The following USO1 variants were observed in gnomAD, a reference collection of about 807,000 sequenced individuals.
USO1 encodes the protein USO1 vesicle transport factor, also known as general vesicular transport factor p115.
A neutral mutation model predicts 124.5 loss-of-function variants in USO1; 57 were observed. The observed-to-expected ratio is 0.46, with a 90% confidence interval of 0.37 to 0.57. The LOEUF (loss-of-function observed/expected upper bound fraction) is 0.57. Among genes scored for constraint, USO1 ranks in the 20% least tolerant of loss-of-function variants. USO1 has a pLI of 0.00. For missense variants in USO1, 900 were observed against 1,040.6 expected, an observed-to-expected ratio of 0.86 and a Z score of 1.86; for synonymous variants, 369 against 362.8, an observed-to-expected ratio of 1.02 and a Z score of -0.19.
intron 1 of USO1, among the ~76,000 whole-genome samples, chr4:75,742,703 A>G (rs1178734791): frequency 6.6e-6 from 1 of 152,220 alleles, no homozygotes; most frequent in Non-Finnish European, 1.5e-5. Flanking sequence ...AGAGTGGATC[A>G]ATTTCTTCTG....
At chr4:75,754,443 A>C (rs1214545202) in intron 3 of USO1, among the ~76,000 whole-genome samples, 1 of 152,198 alleles carries the variant, frequency 6.6e-6, no homozygotes, top group African/African-American at 2.4e-5. Context: ...GTGCATGGAT[A>C]GCTTCCAGAT....
intron 1 of USO1, among the ~76,000 whole-genome samples, chr4:75,751,519 G>A (rs968048211): frequency 5.5e-5 from 8 of 145,472 alleles, no homozygotes; most frequent in South Asian, 4.5e-4. Flanking sequence ...GCCAAGATTC[G>A]TTTTAAAATT....
intron 3 of USO1, chr4:75,755,312 T>C (rs897603417): frequency 3.2e-5 from 13 of 408,388 alleles, no homozygotes; most frequent in Non-Finnish European, 6.3e-5. Context: ...GGACATAGTT[T>C]AAAACAATCG....
chr4:75,776,187 A>C (rs1722068869), intron 8 of USO1, among the ~76,000 whole-genome samples: 1 of 152,136 alleles, frequency 6.6e-6, no homozygotes. Flanking sequence ...GAGTAGAGGA[A>C]CTATGGTCTC....
chr4:75,731,407 C>A (rs923378397), intron 1 of USO1, among the ~76,000 whole-genome samples: 3 of 152,080 alleles, frequency 2.0e-5, no homozygotes, highest in South Asian at 4.2e-4. Flanking sequence ...GCTAAAAATA[C>A]AAAAATTAGC....
chr4:75,741,981 C>T (rs1720975473), intron 1 of USO1, among the ~76,000 whole-genome samples: 1 of 152,148 alleles, frequency 6.6e-6, no homozygotes. Flanking sequence ...CTTCTACCCT[C>T]ATCTCTTGTT....
rs1722102021 is a variant in USO1, at chr4:75,777,432, C to CA, written c.676+2640dup. On this transcript the variant is annotated intron_variant, in intron 8 of 23. Transcript: ENST00000514213. ...TTCACAGATGAGAAGAAAATATTTGCAAAACACATGTTTGAAAAGGGACTT... is the reference window on the plus strand; with the variant it reads ...TTCACAGATGAGAAGAAAATATTTGCAAAAACACATGTTTGAAAAGGGACTT... Among the ~76,000 whole-genome samples the CA allele has an allele frequency of 5.3e-5, 8 of 152,110 alleles. No homozygotes were observed. The South Asian group carries it at 1.7e-3, about 32-fold the overall frequency.
intron 1 of USO1, among the ~76,000 whole-genome samples, chr4:75,736,878 T>C (rs1310449479): frequency 6.6e-6 from 1 of 152,226 alleles, no homozygotes; most frequent in Non-Finnish European, 1.5e-5. Flanking sequence ...GTGGGCTAAA[T>C]TGTACTCATA....
intron 4 of USO1, among the ~76,000 whole-genome samples, chr4:75,759,461 G>T (rs1367906400): frequency 1.3e-5 from 2 of 150,794 alleles, no homozygotes; most frequent in African/African-American, 2.4e-5. Flanking sequence ...GGGCGTGGTC[G>T]CACACACCTG....
rs1723167755 is a variant in USO1, at chr4:75,812,176, T to C, written c.2600T>C (p.Leu867Pro). The change falls in exon 23 of 24, where the codon CTG becomes CCG. Residue 867 changes from leucine (L) to proline (P), a missense_variant. By Grantham distance (98) the Leu-to-Pro change is moderately conservative. Around this residue, in one of 2 missense-constraint regions of USO1, gnomAD observed 362 missense variants for 359.0 expected, o/e 1.01. Coordinates refer to ENST00000514213, the MANE Select transcript of USO1 (RefSeq NM_003715.4). ...TTTTCCTAGAATGAAATTAAAGCTCTGTCTGAGGAAAGAACTGCCATTAAA... is the reference window on the plus strand; with the variant it reads ...TTTTCCTAGAATGAAATTAAAGCTCCGTCTGAGGAAAGAACTGCCATTAAA... Reference protein sequence around the residue: ...TKELKNEIKALSEERTAIKEQ... With the variant: ...TKELKNEIKAPSEERTAIKEQ... 2 of 1,604,648 alleles carry C rather than the reference T, an allele frequency of 1.2e-6. No individual in the cohort carries two copies. Among genetic ancestry groups the C allele is most frequent in the African/African-American group, 2.7e-5 (2 of 74,798 alleles).
chr4:75,771,172 G>A (rs1577950691), intron 7 of USO1, 35 bp downstream of exon 7: 13 of 1,567,588 alleles, frequency 8.3e-6, no homozygotes, highest in East Asian at 2.3e-5. Context: ...ACAAAAATAT[G>A]TGGCTTTTTT....
In USO1 at chr4:75,750,033, G is replaced by A. The variant is rs915965995; in HGVS notation, c.67-2340G>A. ...CTCCCAAAGTGCTAGGATTATAGGC[G>A]TGAGCCACCACGCCCGGCCTAAACT... On this transcript the variant is annotated intron_variant, in intron 1 of 23. Coordinates refer to ENST00000514213, the MANE Select transcript of USO1 (RefSeq NM_003715.4). Among the ~76,000 whole-genome samples the A allele has an allele frequency of 3.9e-5, 6 of 152,264 alleles. No individual in the cohort carries two copies. The South Asian group carries it at 6.2e-4, about 16-fold the overall frequency.
chr4:75,772,957 G>T (rs1364516802), intron 7 of USO1, among the ~76,000 whole-genome samples: 1 of 152,054 alleles, frequency 6.6e-6, no homozygotes, highest in Non-Finnish European at 1.5e-5. Flanking sequence ...AATTAACTGG[G>T]TGTAGTGGCG....
intron 22 of USO1, 120 bp from the exon 23 acceptor site, chr4:75,812,040 C>A: frequency 7.0e-7 from 1 of 1,426,156 alleles, no homozygotes; most frequent in South Asian, 1.3e-5. Context: ...TAACCTCCAC[C>A]CCTAAATTCC....
In USO1 at chr4:75,766,431, C is replaced by T. The variant is rs72858029; in HGVS notation, c.296-4008C>T. 1.7e-3 allele frequency among the ~76,000 whole-genome samples: 256 copies of T among 152,280 alleles called. 1 individual carries two copies. The highest frequency in any genetic ancestry group is 5.9e-3 in the African/African-American group (247 of 41,552). ...CCTTTACCCCACTCCTAGTACATTC[C>T]GCAACGTCTGGAGACATTTTTGGTT... On this transcript the variant is annotated intron_variant, in intron 4 of 23. Coordinates refer to ENST00000514213, the MANE Select transcript of USO1 (RefSeq NM_003715.4).
At chr4:75,742,593 G>A (rs1020450054) in intron 1 of USO1, among the ~76,000 whole-genome samples, 1 of 152,206 alleles carries the variant, frequency 6.6e-6, no homozygotes, top group Admixed American at 6.5e-5. Context: ...CTTGTTTCAA[G>A]TACAGAATGG....
At chr4:75,772,042 C>G (rs907965922) in intron 7 of USO1, among the ~76,000 whole-genome samples, 2 of 152,072 alleles carry the variant, frequency 1.3e-5, no homozygotes, top group African/African-American at 4.8e-5. Flanking sequence ...CTTTTTCATC[C>G]TAAGTTTTAG....
At chr4:75,738,932 A>G (rs763836014) in intron 1 of USO1, among the ~76,000 whole-genome samples, 6 of 151,928 alleles carry the variant, frequency 3.9e-5, no homozygotes, top group Non-Finnish European at 7.4e-5. Flanking sequence ...GGCTCACTGC[A>G]ACCTCCACTT....
chr4:75,725,027 G>A (rs888054886), intron 1 of USO1, 142 bp downstream of exon 1: 2 of 841,260 alleles, frequency 2.4e-6, no homozygotes, highest in Non-Finnish European at 1.9e-6. Context: ...CCCTCCTTCC[G>A]CTCCTGAAAT....
Sources: allele counts gnomAD v4.1 joint callset (sites outside exome capture counted in the v4.1 genomes callset), GRCh38; gene constraint gnomAD v4.1.1; regional missense constraint gnomAD v4.1.1; transcripts MANE v1.5; gene names NCBI Gene and HGNC (gene_info 2026-07-23, HGNC 2026-07-21).